Variants in PUDP observed in about 807,000 individuals in gnomAD.
PUDP encodes pseudouridine 5'-phosphatase, also known as pseudouridine-5'-phosphatase.
In PUDP, 8 loss-of-function variants were observed where a neutral mutation model predicts 9.4. That is an observed-to-expected ratio of 0.85 (90% confidence interval 0.50 to 1.53). The LOEUF (loss-of-function observed/expected upper bound fraction) is 1.53, where lower values mean the gene tolerates loss of function less well. Among genes scored for constraint, PUDP ranks in the 40% most tolerant of loss-of-function variants. PUDP has a pLI of 0.00. For synonymous variants in PUDP, 99 were observed against 80.7 expected, an observed-to-expected ratio of 1.23 and a Z score of -1.22; for missense variants, 188 against 189.7, an observed-to-expected ratio of 0.99 and a Z score of 0.05.
intron 3 of PUDP, among the ~76,000 whole-genome samples, chrX:6,759,801 C>T (rs891065045): frequency 8.9e-6 from 1 of 111,990 alleles, no homozygotes; most frequent in Non-Finnish European, 1.9e-5. Context: ...GGCAAAAGTA[C>T]TGGCCTTATA....
chrX:7,016,418 T>C (rs752935080), intron 1 of PUDP, among the ~76,000 whole-genome samples: 2 of 111,253 alleles, frequency 1.8e-5, no homozygotes, highest in Non-Finnish European at 3.8e-5. Flanking sequence ...CACTTGGAGA[T>C]GCTCTCACTG....
chrX:7,070,582 C>T (rs941777122), intron 3 of PUDP, among the ~76,000 whole-genome samples: 8 of 105,098 alleles, frequency 7.6e-5, no homozygotes, highest in African/African-American at 2.7e-4. Flanking sequence ...CAAATATTAA[C>T]TTTTTTTTTT....
At chrX:7,146,225 G>C (rs1183074203) in intron 1 of PUDP, among the ~76,000 whole-genome samples, 1 of 111,761 alleles carries the variant, frequency 8.9e-6, no homozygotes, top group Non-Finnish European at 1.9e-5. Flanking sequence ...AACAATGTGA[G>C]GTCAATGCTT....
chrX:7,117,786 C>T (rs546383751), intron 1 of PUDP, among the ~76,000 whole-genome samples: 6 of 112,947 alleles, frequency 5.3e-5, no homozygotes, highest in African/African-American at 1.9e-4. Flanking sequence ...TCAGAAGTCT[C>T]CAAGGCAGCC....
intron 3 of PUDP, among the ~76,000 whole-genome samples, chrX:6,829,299 A>G (rs1926470417): frequency 8.9e-6 from 1 of 112,080 alleles, no homozygotes; most frequent in Non-Finnish European, 1.9e-5. Context: ...ACTTCTTAGA[A>G]TTATGAATAA....
At chrX:6,856,556 G>A (rs1008574812) in intron 3 of PUDP, among the ~76,000 whole-genome samples, 12 of 111,811 alleles carry the variant, frequency 1.1e-4, no homozygotes, top group African/African-American at 3.6e-4. Flanking sequence ...CTCTTGCCAA[G>A]GCACCCAGCT....
intron 3 of PUDP, among the ~76,000 whole-genome samples, chrX:6,835,224 C>G (rs1440405769): frequency 1.8e-5 from 2 of 110,950 alleles, no homozygotes; most frequent in African/African-American, 6.6e-5. Flanking sequence ...AGCATAGAAA[C>G]AGTGACCCCA....
intron 3 of PUDP, among the ~76,000 whole-genome samples, chrX:6,925,399 G>A (rs60977461): frequency 0.42 from 47,100 of 110,936 alleles, 7,216 homozygotes; most frequent in African/African-American, 0.46. Flanking sequence ...CTCATGATTA[G>A]GCAGATGCTG....
rs556732675 is a variant in PUDP, at chrX:6,774,095, C to T, written c.*248-67629G>A. Among the ~76,000 whole-genome samples, 19 of 111,670 alleles carry T rather than the reference C, an allele frequency of 1.7e-4. No individual in the cohort carries two copies. In the Admixed American group the frequency reaches 1.7e-3, roughly 10 times the overall value. Reference sequence around the variant, plus strand: ...AAGAGTTGGCAGTGAGCTGAGACTGCCGCTGCACTCCAACCTAGGCCACAG... The same window carrying T: ...AAGAGTTGGCAGTGAGCTGAGACTGTCGCTGCACTCCAACCTAGGCCACAG... On this transcript the variant is annotated intron_variant and NMD_transcript_variant, in intron 3 of 3. Transcript: ENST00000655425.
intron 3 of PUDP, among the ~76,000 whole-genome samples, chrX:7,075,139 C>G (rs1208877220): frequency 8.9e-6 from 1 of 112,042 alleles, no homozygotes; most frequent in African/African-American, 3.2e-5. Context: ...CATTTTCAAC[C>G]TAATAAGATG....
At chrX:7,018,609 G>T (rs1929584747) in intron 1 of PUDP, among the ~76,000 whole-genome samples, 1 of 112,582 alleles carries the variant, frequency 8.9e-6, no homozygotes, top group African/African-American at 3.2e-5. Flanking sequence ...GATTCCCATG[G>T]AACACAATGA....
intron 3 of PUDP, among the ~76,000 whole-genome samples, chrX:6,887,993 A>C (rs1927454987): frequency 8.9e-6 from 1 of 111,937 alleles, no homozygotes; most frequent in African/African-American, 3.2e-5. Context: ...GAACGAAGTT[A>C]GGGATTGACA....
intron 3 of PUDP, among the ~76,000 whole-genome samples, chrX:6,889,122 G>A (rs753788365): frequency 2.3e-4 from 26 of 112,005 alleles, no homozygotes; most frequent in Non-Finnish European, 4.5e-4. Flanking sequence ...TGCATTCTCC[G>A]TACAAGGCAG....
chrX:6,996,190 T>A (rs1205059420), intron 1 of PUDP, among the ~76,000 whole-genome samples: 2 of 112,078 alleles, frequency 1.8e-5, no homozygotes, highest in African/African-American at 6.5e-5. Context: ...ACTTCACAGC[T>A]CCCCTTTTGC....
chrX:6,715,324 C>T (rs1316711828), intron 1 of PUDP, among the ~76,000 whole-genome samples: 1 of 111,171 alleles, frequency 9.0e-6, no homozygotes, highest in East Asian at 2.8e-4. Context: ...GCTCTGGATA[C>T]TTCTTAGTTT....
chrX:7,082,840 T>C (rs1176025759), intron 2 of PUDP, among the ~76,000 whole-genome samples: 1 of 113,072 alleles, frequency 8.8e-6, no homozygotes, highest in East Asian at 2.8e-4. Context: ...GCAGGTGTTA[T>C]GCTTCAAAAG....
At chrX:6,817,273 G>A (rs1926267330) in intron 3 of PUDP, among the ~76,000 whole-genome samples, 2 of 109,520 alleles carry the variant, frequency 1.8e-5, no homozygotes, top group South Asian at 7.8e-4. Flanking sequence ...CGGGATCACT[G>A]TGTTACCCAG....
intron 1 of PUDP, chrX:6,989,243 G>GT (rs1929144019): frequency 8.9e-6 from 1 of 111,817 alleles, no homozygotes; most frequent in African/African-American, 3.3e-5. Flanking sequence ...AACCCATCTA[G>GT]TTTTGATGGT....
chrX:6,990,465 A>G (rs991482184), intron 1 of PUDP, among the ~76,000 whole-genome samples: 23 of 112,240 alleles, frequency 2.0e-4, no homozygotes, highest in African/African-American at 7.5e-4. Flanking sequence ...CAACTTCCCC[A>G]AATAGAAAGT....
Sources: allele counts gnomAD v4.1 joint callset (sites outside exome capture counted in the v4.1 genomes callset), GRCh38; gene constraint gnomAD v4.1.1; transcripts MANE v1.5; gene names NCBI Gene and HGNC (gene_info 2026-07-23, HGNC 2026-07-21).